SPRED1: variants seen among roughly 807,000 people sequenced by gnomAD.
SPRED1 encodes the protein sprouty-related, EVH1 domain-containing protein 1.
A neutral mutation model predicts 52.3 loss-of-function variants in SPRED1; 18 were observed. The ratio of observed to expected loss-of-function variants is 0.34; its 90% CI spans 0.24 to 0.51. The LOEUF (loss-of-function observed/expected upper bound fraction) is 0.51, where lower values mean the gene tolerates loss of function less well. Among genes scored for constraint, SPRED1 ranks in the 20% least tolerant of loss-of-function variants. The pLI is 0.97. For missense variants in SPRED1, 485 were observed against 551.0 expected (o/e 0.88, Z 1.20); for synonymous variants, 155 against 179.7 (o/e 0.86, Z 1.10).
chr15:38,312,635 T>C (rs988118801), intron 2 of SPRED1, among the ~76,000 whole-genome samples: 1 of 152,124 alleles, frequency 6.6e-6, no homozygotes, highest in South Asian at 2.1e-4. Flanking sequence ...CCTCATCCCA[T>C]GTCGTCGTTG....
intron 2 of SPRED1, among the ~76,000 whole-genome samples, chr15:38,308,540 ATTAT>A (rs1895298258): frequency 6.6e-6 from 1 of 152,188 alleles, no homozygotes; most frequent in Non-Finnish European, 1.5e-5. Flanking sequence ...TGTTCTCTCA[ATTAT>A]TTCCGTAATT....
At chr15:38,340,617 C>T (rs565199571) in intron 5 of SPRED1, among the ~76,000 whole-genome samples, 2 of 152,204 alleles carry the variant, frequency 1.3e-5, no homozygotes, top group Admixed American at 1.3e-4. Flanking sequence ...ACTGCAACCT[C>T]TGCCACCTGG....
intron 1 of SPRED1, chr15:38,298,445 CAA>C: frequency 3.8e-6 from 1 of 265,758 alleles, no homozygotes; most frequent in South Asian, 3.5e-5. Context: ...TAGAAAAATC[CAA>C]ATGCCTGTCC....
At chr15:38,304,898 TTAATC>T (rs1218794891) in intron 2 of SPRED1, among the ~76,000 whole-genome samples, 20 of 152,326 alleles carry the variant, frequency 1.3e-4, no homozygotes, top group African/African-American at 4.8e-4. Context: ...CTTTTTTAAT[TTAATC>T]TAAATCTTTT....
At chr15:38,261,696 A>G in intron 1 of SPRED1, among the ~76,000 whole-genome samples, 1 of 152,128 alleles carries the variant, frequency 6.6e-6, no homozygotes, top group East Asian at 1.9e-4. Context: ...AGGAGTTATA[A>G]TTTGGATAAA....
chr15:38,324,752 T>C lies in SPRED1; in HGVS notation c.377-11T>C. 6.3e-7 allele frequency: 1 copy of C among 1,597,594 alleles called. No individual in the cohort carries two copies. Among genetic ancestry groups the C allele is most frequent in the Non-Finnish European group, 8.5e-7 (1 of 1,171,048 alleles). ...ATTCTATACTTAATTAACTTTTATC[T>C]ATTTTCTTAGGATGCCCCGAATCAA... On this transcript the variant is annotated splice_polypyrimidine_tract_variant and intron_variant, in intron 3 of 6. Transcript: ENST00000299084.
rs1201516563 is a variant in SPRED1 at position 38,252,928 on chromosome 15, C to T, written c.-258C>T. The T allele has an allele frequency of 5.2e-6, 3 of 582,048 alleles. No individual in the cohort carries two copies. The highest frequency in any genetic ancestry group is 6.0e-5 in the Admixed American group (2 of 33,156). 36.1% of individuals were successfully genotyped at this position (582,048 alleles called of 1,614,324 possible). A position where few individuals can be genotyped will look rare whatever the true frequency, so the allele number is the denominator to read the frequency against. The stretch of plus-strand genomic sequence containing the variant: ...CCTTTCCACCGGGCCTCCTCGGATC[C>T]CTTGGCTGGGCACTGAGGCGGGGGA... On this transcript the variant is annotated 5_prime_UTR_variant, in exon 1 of 7. Transcript: ENST00000299084.
chr15:38,265,696 A>C (rs1894293947), intron 1 of SPRED1, among the ~76,000 whole-genome samples: 1 of 152,042 alleles, frequency 6.6e-6, no homozygotes, highest in Non-Finnish European at 1.5e-5. Flanking sequence ...AAATAATTTT[A>C]ATACCTGAGC....
chr15:38,278,828 G>GTTTTTTTTTTTTTTTTTTTTTTTTT (rs765637726), intron 1 of SPRED1, among the ~76,000 whole-genome samples: 1 of 118,248 alleles, frequency 8.5e-6, no homozygotes, highest in Non-Finnish European at 1.7e-5. Flanking sequence ...TAACTACACT[G>GTTTTTTTTTTTTTTTTTTTTTTTTT]TTTTTTTTTT....
intron 2 of SPRED1, among the ~76,000 whole-genome samples, chr15:38,315,630 A>G (rs544354874): frequency 6.6e-6 from 1 of 151,824 alleles, no homozygotes; most frequent in Admixed American, 6.6e-5. Context: ...GATGAAGGAA[A>G]AGGGTTGGAG....
Position 38,351,803 on chromosome 15 carries a change from A to AGTTCTTGGC in SPRED1, c.*143_*151dup, listed in dbSNP as rs1888496281. On this transcript the variant is annotated 3_prime_UTR_variant, in exon 7 of 7. Transcript: ENST00000299084. ...ACACATGGAGGAAGCAGAACTCATC[A>AGTTCTTGGC]GTTCTTGGCGTTTCACGCCATGCCT... 2.8e-6 allele frequency: 3 copies of AGTTCTTGGC among 1,080,514 alleles called. No homozygotes were observed. In the East Asian group the frequency reaches 7.7e-5, roughly 28 times the overall value. The allele number at this position is 1,080,514 out of a possible 1,614,324, so 66.9% of individuals were successfully genotyped here.
chr15:38,279,829 A>G (rs577219418), intron 1 of SPRED1, among the ~76,000 whole-genome samples: 2 of 152,354 alleles, frequency 1.3e-5, no homozygotes, highest in South Asian at 2.1e-4. Flanking sequence ...GTAATACATG[A>G]CAAACACTTA....
At chr15:38,325,553 G>A (rs1021118791) in intron 4 of SPRED1, among the ~76,000 whole-genome samples, 1 of 152,036 alleles carries the variant, frequency 6.6e-6, no homozygotes, top group Admixed American at 6.6e-5. Flanking sequence ...TTGCAGTCAT[G>A]AGAAGGCCGA....
intron 2 of SPRED1, among the ~76,000 whole-genome samples, chr15:38,308,512 G>A (rs1255218924): frequency 6.6e-6 from 1 of 152,038 alleles, no homozygotes; most frequent in East Asian, 1.9e-4. Context: ...TTCCGTTTTT[G>A]CCAGGCAACC....
chr15:38,338,604 A>T (rs746306385), intron 4 of SPRED1, among the ~76,000 whole-genome samples: 3 of 152,092 alleles, frequency 2.0e-5, no homozygotes, highest in Non-Finnish European at 4.4e-5. Context: ...TATATTTTTA[A>T]TAGTTCAATT....
intron 2 of SPRED1, among the ~76,000 whole-genome samples, chr15:38,310,715 A>T (rs1895349052): frequency 6.6e-6 from 1 of 152,168 alleles, no homozygotes. Flanking sequence ...GTATACCTAA[A>T]TGTTTTGTTT....
Position 38,253,019 on chromosome 15 carries a change from C to T in SPRED1, c.-167C>T. On this transcript the variant is annotated 5_prime_UTR_variant, in exon 1 of 7. Coordinates refer to ENST00000299084, the MANE Select transcript of SPRED1 (RefSeq NM_152594.3). ...CCCCTGCGGGGGTGGCCGGGGTTCC[C>T]GGCTGGGGGGGTACCGTTCTGGGTG... is the stretch of plus-strand genomic sequence containing the variant. 1.5e-6 allele frequency: 1 copy of T among 660,396 alleles called. No homozygotes were observed. Among genetic ancestry groups the T allele is most frequent in the South Asian group, 1.7e-5 (1 of 59,182 alleles). The allele number at this position is 660,396 out of a possible 1,614,324, so 40.9% of individuals were successfully genotyped here. A position where few individuals can be genotyped will look rare whatever the true frequency, so the allele number is the denominator to read the frequency against.
At chr15:38,298,509 GT>G in intron 1 of SPRED1, 1 of 325,678 alleles carries the variant, frequency 3.1e-6, no homozygotes, top group South Asian at 2.4e-5. Flanking sequence ...GGACTACTTA[GT>G]TAAAAAAAAT....
chr15:38,317,058 G>A (rs1440740113), intron 2 of SPRED1, among the ~76,000 whole-genome samples: 1 of 151,560 alleles, frequency 6.6e-6, no homozygotes, highest in Non-Finnish European at 1.5e-5. Flanking sequence ...AAGAGGGTGA[G>A]GCCACTGGTT....
Sources: allele counts gnomAD v4.1 joint callset (sites outside exome capture counted in the v4.1 genomes callset), GRCh38; gene constraint gnomAD v4.1.1; transcripts MANE v1.5; gene names NCBI Gene and HGNC (gene_info 2026-07-23, HGNC 2026-07-21).